The following FOXP2 variants were observed in gnomAD, a reference collection of about 807,000 sequenced individuals.
FOXP2 encodes forkhead box P2, also known as forkhead box protein P2.
FOXP2 carries 12 observed loss-of-function variants against 115.8 expected under a neutral mutation model. That is an observed-to-expected ratio of 0.10 (90% CI 0.07 to 0.17). The LOEUF (loss-of-function observed/expected upper bound fraction) is 0.17, where lower values mean the gene tolerates loss of function less well. FOXP2 is among the 10% of genes least tolerant of loss of function. The pLI is 1.00. For missense variants in FOXP2, 629 were observed against 843.5 expected (o/e 0.75, Z 3.15); for synonymous variants, 328 against 297.7 (o/e 1.10, Z -1.05).
chr7:114,446,989 A>G (rs1336697761), intron 2 of FOXP2, among the ~76,000 whole-genome samples: 2 of 151,842 alleles, frequency 1.3e-5, no homozygotes, highest in Admixed American at 6.6e-5. Context: ...GCCTCAAGCA[A>G]TCCACTCACT....
chr7:114,638,268 G>A (rs780491553), intron 6 of FOXP2, among the ~76,000 whole-genome samples: 15 of 152,064 alleles, frequency 9.9e-5, no homozygotes, highest in Admixed American at 6.6e-5. Flanking sequence ...ATTGGAAAAC[G>A]CTGACTTCAA....
At chr7:114,268,724 GTGTGTGTA>G (rs958611502) in intron 1 of FOXP2, among the ~76,000 whole-genome samples, 3 of 145,390 alleles carry the variant, frequency 2.1e-5, no homozygotes, top group African/African-American at 8.3e-5. Flanking sequence ...GTGTGTGTGT[GTGTGTGTA>G]TGTGTGTATT....
At chr7:114,152,563 GA>G (rs1412361177) in intron 1 of FOXP2, among the ~76,000 whole-genome samples, 1 of 152,126 alleles carries the variant, frequency 6.6e-6, no homozygotes, top group Non-Finnish European at 1.5e-5. Context: ...CATTAAACAA[GA>G]AGAGGTAACA....
At chr7:114,580,633 T>C (rs118117626) in intron 3 of FOXP2, among the ~76,000 whole-genome samples, 2,912 of 151,784 alleles carry the variant, frequency 0.019, 30 homozygotes, top group Non-Finnish European at 0.03. Flanking sequence ...AAAGAAAGAA[T>C]ACAACGACTT....
intron 1 of FOXP2, among the ~76,000 whole-genome samples, chr7:114,264,578 G>A (rs1473647291): frequency 6.6e-6 from 1 of 152,126 alleles, no homozygotes; most frequent in Admixed American, 6.5e-5. Flanking sequence ...ATTACCTGTA[G>A]TACTTTATTT....
chr7:114,173,385 C>G (rs1242743144), intron 1 of FOXP2, among the ~76,000 whole-genome samples: 2 of 149,142 alleles, frequency 1.3e-5, no homozygotes, highest in South Asian at 4.2e-4. Flanking sequence ...TTCCCTTTCT[C>G]TTTTTCTTCT....
chr7:114,366,044 C>T (rs1357361604), intron 2 of FOXP2, among the ~76,000 whole-genome samples: 1 of 152,040 alleles, frequency 6.6e-6, no homozygotes. Context: ...TAATTACTTT[C>T]ACCTGTTTAA....
chr7:114,459,910 C>T (rs954071303), intron 2 of FOXP2, among the ~76,000 whole-genome samples: 3 of 152,204 alleles, frequency 2.0e-5, no homozygotes, highest in Admixed American at 1.3e-4. Flanking sequence ...GCCACCACAG[C>T]CAGCCTACAT....
chr7:114,297,280 A>C (rs546653377), intron 2 of FOXP2: 178 of 535,514 alleles, frequency 3.3e-4, no homozygotes, highest in African/African-American at 3.3e-3. Context: ...CTATGGGGCG[A>C]ACCCACACAC....
chr7:114,658,415 TA>T (rs1585002026), intron 11 of FOXP2, 148 bp downstream of exon 11: 3 of 848,736 alleles, frequency 3.5e-6, no homozygotes, highest in East Asian at 2.7e-5. Context: ...TAAATGCGAA[TA>T]GGGGCGATTC....
At chr7:114,302,379 A>G (rs535394416) in intron 2 of FOXP2, among the ~76,000 whole-genome samples, 1 of 152,288 alleles carries the variant, frequency 6.6e-6, no homozygotes, top group African/African-American at 2.4e-5. Context: ...GAAAACCTAT[A>G]TGGAAGTTCC....
chr7:114,688,287 C>A (rs528858771), intron 16 of FOXP2, among the ~76,000 whole-genome samples: 4 of 146,300 alleles, frequency 2.7e-5, no homozygotes, highest in Admixed American at 1.4e-4. Flanking sequence ...TTTCAACATG[C>A]CTGGTTCAAA....
At chr7:114,633,280 TTATAATGA>T (rs560055107) in intron 6 of FOXP2, among the ~76,000 whole-genome samples, 7 of 152,272 alleles carry the variant, frequency 4.6e-5, no homozygotes, top group Admixed American at 2.6e-4. Context: ...ACAATGAAAT[TTATAATGA>T]TATAATCATT....
At chr7:114,378,426 G>A (rs1481901491) in intron 2 of FOXP2, among the ~76,000 whole-genome samples, 3 of 151,998 alleles carry the variant, frequency 2.0e-5, no homozygotes, top group Non-Finnish European at 4.4e-5. Flanking sequence ...ACTCATGCCT[G>A]TAATCTCAGC....
intron 3 of FOXP2, among the ~76,000 whole-genome samples, chr7:114,626,072 A>G (rs1056014814): frequency 1.3e-5 from 2 of 151,848 alleles, no homozygotes; most frequent in African/African-American, 2.4e-5. Context: ...AATCACATAC[A>G]TGTGACCATT....
intron 1 of FOXP2, among the ~76,000 whole-genome samples, chr7:114,275,160 T>C (rs909166647): frequency 3.3e-5 from 5 of 152,016 alleles, no homozygotes; most frequent in African/African-American, 9.7e-5. Flanking sequence ...TTTATTCTAA[T>C]TGGTGTTCTC....
At chr7:114,346,358 T>C (rs895463923) in intron 2 of FOXP2, among the ~76,000 whole-genome samples, 3 of 151,790 alleles carry the variant, frequency 2.0e-5, no homozygotes, top group Non-Finnish European at 2.9e-5. Flanking sequence ...GTATCCAACA[T>C]TGGATGAATG....
At chr7:114,496,492 A>G (rs1295546149) in intron 2 of FOXP2, among the ~76,000 whole-genome samples, 3 of 152,190 alleles carry the variant, frequency 2.0e-5, no homozygotes, top group African/African-American at 7.2e-5. Context: ...TTTAATCAAC[A>G]GAAGGTAACA....
chr7:114,507,726 C>T (rs58552483), intron 2 of FOXP2, among the ~76,000 whole-genome samples: 13,275 of 151,892 alleles, frequency 0.087, 1,202 homozygotes, highest in African/African-American at 0.23. Context: ...TAAAGAATGC[C>T]TGCATAAGGA....
Sources: allele counts gnomAD v4.1 joint callset (sites outside exome capture counted in the v4.1 genomes callset), GRCh38; gene constraint gnomAD v4.1.1; transcripts MANE v1.5; gene names NCBI Gene and HGNC (gene_info 2026-07-23, HGNC 2026-07-21).